Variants in SPATA7 observed in about 807,000 individuals in gnomAD.
The protein encoded by SPATA7 is spermatogenesis associated 7.
SPATA7 carries 43 observed loss-of-function variants against 51.8 expected under a neutral mutation model. That is an observed-to-expected ratio of 0.83 (90% CI 0.65 to 1.07). SPATA7 has a LOEUF of 1.07. SPATA7 is among the 50% of genes least tolerant of loss of function. SPATA7 has a pLI of 0.00. For synonymous variants in SPATA7, 230 were observed against 252.8 expected (o/e 0.91, Z 0.86); for missense variants, 683 against 701.3 (o/e 0.97, Z 0.30).
intron 4 of SPATA7, among the ~76,000 whole-genome samples, chr14:88,401,015 G>A (rs1244104436): frequency 6.6e-6 from 1 of 152,134 alleles, no homozygotes; most frequent in Non-Finnish European, 1.5e-5. Context: ...GCACCACCCT[G>A]ATGCCAAAAC....
chr14:88,399,366 A>G (rs960962595), intron 4 of SPATA7, among the ~76,000 whole-genome samples: 3 of 152,060 alleles, frequency 2.0e-5, no homozygotes, highest in African/African-American at 7.2e-5. Context: ...AGGCTGTCAT[A>G]TTTTTGAAGG....
In SPATA7 at chr14:88,454,250, C is replaced by T. The variant is rs369565741; in HGVS notation, c.178-810C>T. 8.1e-3 allele frequency among the ~76,000 whole-genome samples: 1,234 copies of T among 152,226 alleles called. 7 individuals carry two copies. The highest frequency in any genetic ancestry group is 0.024 in the Middle Eastern group (7 of 294). On this transcript the variant is annotated intron_variant, in intron 3 of 3. Transcript: ENST00000554802. ...CAGCTTGCAGAGGCTGCCTGCGTTC[C>T]GTCACTTGTGGCATCTTCCTCCATT...
intron 6 of SPATA7, among the ~76,000 whole-genome samples, 171 bp downstream of exon 6, chr14:88,426,875 A>T (rs73327435): frequency 0.035 from 5,371 of 152,316 alleles, 311 homozygotes; most frequent in African/African-American, 0.12. Context: ...CTATCAGAGT[A>T]ATTGCTGAAA....
intron 4 of SPATA7, among the ~76,000 whole-genome samples, chr14:88,398,398 A>G (rs1026542049): frequency 1.3e-5 from 2 of 148,916 alleles, no homozygotes; most frequent in South Asian, 2.1e-4. Context: ...TAAACACCGC[A>G]TATTCTCACT....
intron 5 of SPATA7, among the ~76,000 whole-genome samples, chr14:88,425,854 C>CAGTGAGGAT (rs1293754837): frequency 6.6e-6 from 1 of 152,146 alleles, no homozygotes; most frequent in Non-Finnish European, 1.5e-5. Flanking sequence ...CAAGACAGGA[C>CAGTGAGGAT]AGTGAGGATG....
intron 3 of SPATA7, among the ~76,000 whole-genome samples, chr14:88,447,928 C>A (rs1366397297): frequency 2.0e-5 from 3 of 151,024 alleles, no homozygotes; most frequent in East Asian, 3.9e-4. Flanking sequence ...TTTTTTCCTT[C>A]ATTTCAACTT....
intron 4 of SPATA7, among the ~76,000 whole-genome samples, chr14:88,465,468 A>AAAAT (rs2077351177): frequency 6.6e-6 from 1 of 151,990 alleles, no homozygotes; most frequent in Admixed American, 6.5e-5. Context: ...CTCCGTCTCA[A>AAAAT]AAATAAAAAA....
chr14:88,434,461 C>T (rs1254203358), intron 10 of SPATA7, among the ~76,000 whole-genome samples: 3 of 151,896 alleles, frequency 2.0e-5, no homozygotes, highest in South Asian at 2.1e-4. Context: ...CTAAGGTGGG[C>T]GGATCACAAG....
downstream of SPATA7, among the ~76,000 whole-genome samples, chr14:88,456,196 G>T (rs569568499): frequency 4.6e-5 from 7 of 152,290 alleles, no homozygotes; most frequent in East Asian, 1.4e-3. Flanking sequence ...GTGTGCATGT[G>T]TCTTTATAGC....
intron 4 of SPATA7, among the ~76,000 whole-genome samples, chr14:88,403,883 A>G (rs577437583): frequency 1.5e-4 from 23 of 152,272 alleles, no homozygotes; most frequent in South Asian, 8.3e-4. Context: ...TTGCTAAGAC[A>G]GTACATCTGT....
intron 4 of SPATA7, among the ~76,000 whole-genome samples, chr14:88,400,510 A>G (rs1377623368): frequency 6.6e-6 from 1 of 152,192 alleles, no homozygotes; most frequent in Non-Finnish European, 1.5e-5. Context: ...AGACTAATAG[A>G]AAAAAGGAGA....
At chr14:88,448,943 G>C (rs1051116141) in intron 3 of SPATA7, among the ~76,000 whole-genome samples, 9 of 152,066 alleles carry the variant, frequency 5.9e-5, no homozygotes, top group Non-Finnish European at 1.2e-4. Flanking sequence ...AGTTTCTTTG[G>C]ATCTTCTCTC....
intron 8 of SPATA7, 61 bp downstream of exon 8, chr14:88,429,524 C>T: frequency 9.2e-7 from 1 of 1,083,620 alleles, no homozygotes; most frequent in Non-Finnish European, 1.4e-6. Flanking sequence ...GTATAACAGA[C>T]ATATAGTATT....
intron 9 of SPATA7, 31 bp downstream of exon 9, chr14:88,431,256 T>C: frequency 1.3e-6 from 2 of 1,580,054 alleles, no homozygotes; most frequent in Non-Finnish European, 1.7e-6. Flanking sequence ...TCGTTTTGCA[T>C]AGTGGAATCA....
In SPATA7 at chr14:88,416,863, T is replaced by A. The variant is rs530016766; in HGVS notation, c.372+19T>A. ...ACAAAAGGTAAGATAGTATTTTTAT[T>A]TTTTAAAAGCAAATGTTTCTAAGGT... On this transcript the variant is annotated intron_variant, in intron 5 of 11. Coordinates refer to ENST00000393545, the MANE Select transcript of SPATA7 (RefSeq NM_018418.5). 1.3e-6 allele frequency: 2 copies of A among 1,570,120 alleles called. No homozygotes were observed. The highest frequency in any genetic ancestry group is 1.1e-5 in the South Asian group (1 of 89,424).
chr14:88,433,397 AG>A (rs1292984125), intron 10 of SPATA7, among the ~76,000 whole-genome samples, 185 bp downstream of exon 10: 4 of 152,186 alleles, frequency 2.6e-5, no homozygotes, highest in African/African-American at 9.6e-5. Flanking sequence ...TTCATACTCT[AG>A]GGGAAGTTCA....
chr14:88,467,127 C>A (rs890958693), intron 4 of SPATA7: 1 of 152,168 alleles, frequency 6.6e-6, no homozygotes, highest in Non-Finnish European at 1.5e-5. Context: ...ACGAAGGCAT[C>A]CTGCATTTAC....
At chr14:88,454,998 A>G (rs918606090) in intron 3 of SPATA7, 7 of 449,374 alleles carry the variant, frequency 1.6e-5, no homozygotes, top group African/African-American at 1.0e-4. Flanking sequence ...CCCCATCCCC[A>G]TAGCTTCTGA....
intron 4 of SPATA7, among the ~76,000 whole-genome samples, chr14:88,463,542 A>G (rs2077331063): frequency 6.6e-6 from 1 of 152,160 alleles, no homozygotes; most frequent in African/African-American, 2.4e-5. Flanking sequence ...GAACACATAC[A>G]GATACGGTTT....
Sources: allele counts gnomAD v4.1 joint callset (sites outside exome capture counted in the v4.1 genomes callset), GRCh38; gene constraint gnomAD v4.1.1; transcripts MANE v1.5; gene names NCBI Gene and HGNC (gene_info 2026-07-23, HGNC 2026-07-21).